Variants in NAV2 observed in about 807,000 individuals in gnomAD.
NAV2 encodes the protein helicase, APC down-regulated 1.
Under a neutral mutation model 223.2 loss-of-function variants are expected in NAV2, and 54 were observed. The observed-to-expected ratio is 0.24, with a 90% confidence interval of 0.19 to 0.30. The LOEUF is 0.30. Ranked by LOEUF, NAV2 falls within the 10% of genes least tolerant of loss-of-function variation. The pLI is 1.00. For synonymous variants in NAV2, 1,279 were observed against 1,239.3 expected (o/e 1.03, Z -0.67); for missense variants, 2,806 against 3,147.5 (o/e 0.89, Z 2.60).
chr11:19,518,654 T>C (rs1458716942), intron 1 of NAV2: 3 of 152,248 alleles, frequency 2.0e-5, no homozygotes, highest in Non-Finnish European at 4.4e-5. Context: ...AAACATTTAT[T>C]AGTTGTTTAA....
chr11:19,425,374 C>T (rs1401764895), intron 1 of NAV2, among the ~76,000 whole-genome samples: 1 of 152,150 alleles, frequency 6.6e-6, no homozygotes, highest in Admixed American at 6.5e-5. Context: ...ATTGATCATG[C>T]TCTTCCCTTC....
At chr11:19,994,344 C>T (rs1285675926) in intron 11 of NAV2, among the ~76,000 whole-genome samples, 2 of 151,892 alleles carry the variant, frequency 1.3e-5, no homozygotes, top group African/African-American at 4.8e-5. Flanking sequence ...GTCAGGAGTT[C>T]GAGGCTAGCC....
chr11:19,663,607 T>A (rs1269445268), intron 1 of NAV2, among the ~76,000 whole-genome samples: 2 of 152,242 alleles, frequency 1.3e-5, no homozygotes, highest in Non-Finnish European at 2.9e-5. Context: ...ACCATCCTAG[T>A]GGCATATTCT....
In NAV2 at chr11:20,046,596, T is replaced by TCACACACACACACA. The variant is rs61668060; in HGVS notation, c.3902+941_3902+954dup. On this transcript the variant is annotated intron_variant, in intron 14 of 37. Transcript: ENST00000349880. ...TGAAATTTTAACTTCCCCCTCCCCA[T>TCACACACACACACA]CACACACACACACACACACACACAC... Among the ~76,000 whole-genome samples, 466 of 145,956 alleles carry TCACACACACACACA rather than the reference T, an allele frequency of 3.2e-3. 2 individuals are homozygous for TCACACACACACACA. The highest frequency in any genetic ancestry group is 6.7e-3 in the African/African-American group (263 of 39,476).
rs2046819356 is a variant in NAV2, at chr11:19,617,060, TTC to T, written c.76-215419_76-215418del. Among the ~76,000 whole-genome samples the T allele has an allele frequency of 2.0e-5, 3 of 152,120 alleles. No individual in the cohort carries two copies. The South Asian group carries it at 6.2e-4, about 32-fold the overall frequency. On this transcript the variant is annotated intron_variant, in intron 1 of 37. Coordinates refer to the NAV2 transcript ENST00000360655. ...AAATCTGTGTCAAGTACCTAGCTTG[TTC>T]TCTCCTTTTTTCCCCTATTTTCTCC...
intron 1 of NAV2, among the ~76,000 whole-genome samples, chr11:19,545,183 C>T (rs979338101): frequency 2.6e-5 from 4 of 152,170 alleles, no homozygotes; most frequent in African/African-American, 4.8e-5. Flanking sequence ...TATTATTGGG[C>T]GCTCACAGGA....
chr11:20,026,115 C>T (rs780259981), intron 11 of NAV2, among the ~76,000 whole-genome samples: 9 of 152,076 alleles, frequency 5.9e-5, no homozygotes, highest in Non-Finnish European at 1.2e-4. Flanking sequence ...GTGGTCTCTC[C>T]ATTTGGAGCC....
At position 19,948,726 on chromosome 11, in the gene NAV2, C is replaced by T. The variant is rs180786689; in HGVS notation, c.2291C>T (p.Thr764Met). The T allele has an allele frequency of 4.0e-5, 64 of 1,597,404 alleles. No individual in the cohort carries two copies. The highest frequency in any genetic ancestry group is 2.0e-4 in the African/African-American group (15 of 74,668). Reference sequence around the variant, plus strand: ...ACCACGTTTGACACCAATGTCACCACGGAGATGAGTGGCCGTAGCATACTC... The same window carrying T: ...ACCACGTTTGACACCAATGTCACCATGGAGATGAGTGGCCGTAGCATACTC... ...LETTFDTNVTTEMSGRSILSL... is the reference protein window; with the variant it reads ...LETTFDTNVTMEMSGRSILSL... The change falls in exon 10 of 38, where the codon ACG (threonine) becomes ATG (methionine). Residue 764 changes from threonine to methionine, a missense_variant. Physicochemically the swap from Thr to Met is moderately conservative, Grantham distance 81. This residue lies in a region of NAV2 where 1,167 missense variants were observed against 1,180.5 expected (regional missense o/e 0.99). Transcript: ENST00000349880.
At chr11:19,873,797 A>AT (rs1441083696) in intron 4 of NAV2, among the ~76,000 whole-genome samples, 2 of 152,134 alleles carry the variant, frequency 1.3e-5, no homozygotes, top group African/African-American at 4.8e-5. Context: ...CCATCCTCTC[A>AT]TCCCACTTCT....
intron 1 of NAV2, among the ~76,000 whole-genome samples, chr11:19,706,199 C>A (rs2049657560): frequency 6.6e-6 from 1 of 152,188 alleles, no homozygotes; most frequent in South Asian, 2.1e-4. Flanking sequence ...GAATCCTTTT[C>A]TTCTATTACA....
rs1483562153 is a variant in NAV2 at position 19,933,778 on chromosome 11, G to A, written c.1534G>A (p.Glu512Lys). The change falls in exon 7 of 38, where the codon GAG becomes AAG. Residue 512 changes from glutamate to lysine, a missense_variant. Physicochemically the swap from Glu to Lys is moderately conservative, Grantham distance 56. This residue lies in a region of NAV2 where 1,167 missense variants were observed against 1,180.5 expected (regional missense o/e 0.99). Coordinates refer to ENST00000349880, the MANE Select transcript of NAV2 (RefSeq NM_145117.5). This position sits in a 1 kb window ranked among gnomAD's most constrained non-coding sequence, Gnocchi z 4.3. ...CCTTGCCAAGAGAGCCTCTGTGACGGAGAGGCTGGACCTCAAGGAGGAGCC... is the reference window on the plus strand; with the variant it reads ...CCTTGCCAAGAGAGCCTCTGTGACGAAGAGGCTGGACCTCAAGGAGGAGCC... ...KDLAKRASVT[E>K]RLDLKEEPKE... is the part of the protein sequence containing the mutation. 7 of 1,614,076 alleles carry A rather than the reference G, an allele frequency of 4.3e-6. No individual in the cohort carries two copies. The highest frequency in any genetic ancestry group is 5.9e-6 in the Non-Finnish European group (7 of 1,180,040).
chr11:20,083,656 G>A (rs2060232350), intron 26 of NAV2, among the ~76,000 whole-genome samples: 1 of 152,210 alleles, frequency 6.6e-6, no homozygotes, highest in African/African-American at 2.4e-5. Flanking sequence ...AGTTGTCAGA[G>A]AGATGAGACA....
chr11:19,395,656 A>G (rs1259041119), intron 1 of NAV2, among the ~76,000 whole-genome samples: 2 of 152,148 alleles, frequency 1.3e-5, no homozygotes, highest in African/African-American at 4.8e-5. Flanking sequence ...TAAACTTGCT[A>G]CCGGTTTCTG....
At chr11:20,084,449 A>G (rs1202032749) in intron 26 of NAV2, among the ~76,000 whole-genome samples, 1 of 152,180 alleles carries the variant, frequency 6.6e-6, no homozygotes, top group Non-Finnish European at 1.5e-5. Flanking sequence ...TGGCCCTGTC[A>G]GGGTCTCTAC....
At chr11:20,013,617 A>G (rs1302322399) in intron 11 of NAV2, among the ~76,000 whole-genome samples, 2 of 152,190 alleles carry the variant, frequency 1.3e-5, no homozygotes, top group African/African-American at 2.4e-5. Flanking sequence ...GTTTTCTTAC[A>G]AGAGAAATTA....
chr11:19,403,807 G>C (rs2133334525), intron 1 of NAV2, among the ~76,000 whole-genome samples: 1 of 152,212 alleles, frequency 6.6e-6, no homozygotes, highest in Admixed American at 6.5e-5. Flanking sequence ...ACAGAGGAAG[G>C]GATATCGAGT....
rs1208226419 is a variant in NAV2 at position 20,107,458 on chromosome 11, G to A, written c.6842-206G>A. The stretch of plus-strand genomic sequence containing the variant: ...CCCATAAAGCCTTTCCTGGAGGAGG[G>A]AGACCCCCAGGTGGAATCAGGGATC... On this transcript the variant is annotated intron_variant, in intron 35 of 37. Coordinates refer to ENST00000349880, the MANE Select transcript of NAV2 (RefSeq NM_145117.5). 4 of 581,256 alleles carry A rather than the reference G, an allele frequency of 6.9e-6. No individual in the cohort carries two copies. The Admixed American group carries it at 1.1e-4, about 16-fold the overall frequency. The allele number at this position is 581,256 out of a possible 1,614,324, so 36.0% of individuals were successfully genotyped here.
At chr11:19,435,703 C>T (rs755787198) in intron 1 of NAV2, among the ~76,000 whole-genome samples, 10 of 152,136 alleles carry the variant, frequency 6.6e-5, no homozygotes, top group Admixed American at 6.5e-4. Flanking sequence ...AGTGTACAAG[C>T]GTTCTCTTTC....
At chr11:20,081,361 G>A (rs1054918477) in intron 25 of NAV2, among the ~76,000 whole-genome samples, 4 of 152,160 alleles carry the variant, frequency 2.6e-5, no homozygotes, top group Non-Finnish European at 4.4e-5. Context: ...TCAAAGTGAC[G>A]AGAGAGATAT....
Sources: gnomAD v4.1 joint callset for allele counts (sites outside exome capture counted in the v4.1 genomes callset) on GRCh38, gnomAD v4.1.1 for gene constraint, gnomAD v4.1.1 regional missense constraint, Gnocchi (gnomAD v3.1) non-coding constraint, MANE v1.5 for transcripts, NCBI Gene and HGNC (gene_info 2026-07-23, HGNC 2026-07-21) for gene names.